The following CDH13 variants were observed in gnomAD, a reference collection of about 807,000 sequenced individuals.
CDH13 encodes cadherin 13.
Under a neutral mutation model 63.8 loss-of-function variants are expected in CDH13, and 24 were observed. That is an observed-to-expected ratio of 0.38 (90% CI 0.27 to 0.53). The LOEUF is 0.53. CDH13 is among the 20% of genes least tolerant of loss of function. The pLI, the probability that CDH13 is intolerant of heterozygous loss-of-function variation, is 0.85. For missense variants in CDH13, 1,049 were observed against 903.1 expected, an observed-to-expected ratio of 1.16 and a Z score of -2.07; for synonymous variants, 503 against 355.3, an observed-to-expected ratio of 1.42 and a Z score of -4.67.
At chr16:83,107,091 T>C (rs1401369321) in intron 3 of CDH13, among the ~76,000 whole-genome samples, 2 of 152,182 alleles carry the variant, frequency 1.3e-5, no homozygotes, top group Admixed American at 6.5e-5. Context: ...GGTAGGTGGA[T>C]TGAAGAGAGT....
At chr16:82,716,678 G>T (rs978267251) in intron 1 of CDH13, among the ~76,000 whole-genome samples, 1 of 150,310 alleles carries the variant, frequency 6.7e-6, no homozygotes, top group African/African-American at 2.5e-5. Flanking sequence ...ATTAAGGGGG[G>T]TGACTAGTTG....
intron 7 of CDH13, among the ~76,000 whole-genome samples, chr16:83,556,764 T>A (rs1389128664): frequency 6.6e-6 from 1 of 152,198 alleles, no homozygotes; most frequent in Non-Finnish European, 1.5e-5. Flanking sequence ...GAGGTAATCT[T>A]TTCATGGGGC....
intron 9 of CDH13, 139 bp downstream of exon 9, chr16:83,671,111 G>C: frequency 1.4e-6 from 1 of 738,062 alleles, no homozygotes; most frequent in South Asian, 2.3e-5. Context: ...CAAAGGAAAA[G>C]GCTCATGGCT....
At chr16:82,896,123 G>C (rs11150518) in intron 2 of CDH13, among the ~76,000 whole-genome samples, 1 of 151,942 alleles carries the variant, frequency 6.6e-6, no homozygotes, top group Non-Finnish European at 1.5e-5. Context: ...TCATTCATTC[G>C]TATCTTACCT....
intron 3 of CDH13, among the ~76,000 whole-genome samples, chr16:83,101,540 C>A (rs902360054): frequency 6.6e-6 from 1 of 151,828 alleles, no homozygotes; most frequent in African/African-American, 2.4e-5. Flanking sequence ...TGCCTCTAAG[C>A]CCAGCACTTT....
intron 4 of CDH13, among the ~76,000 whole-genome samples, chr16:83,133,654 A>T (rs1419657756): frequency 2.0e-5 from 3 of 152,070 alleles, no homozygotes; most frequent in African/African-American, 4.8e-5. Context: ...ATGCACCACC[A>T]TGCCTGGCCA....
chr16:82,710,954 T>TAA (rs1012722974), intron 1 of CDH13, among the ~76,000 whole-genome samples: 1 of 144,270 alleles, frequency 6.9e-6, no homozygotes, highest in East Asian at 2.0e-4. Flanking sequence ...ACCCCAACAT[T>TAA]AAAAAAAAAA....
At chr16:83,149,508 A>G (rs2036885592) in intron 4 of CDH13, among the ~76,000 whole-genome samples, 1 of 152,230 alleles carries the variant, frequency 6.6e-6, no homozygotes. Context: ...CAATTCCACA[A>G]GTAATTCATG....
chr16:83,156,491 G>A (rs1469386387), intron 4 of CDH13, among the ~76,000 whole-genome samples: 1 of 152,176 alleles, frequency 6.6e-6, no homozygotes, highest in African/African-American at 2.4e-5. Context: ...TCCTTTAGGG[G>A]AGTGATTGCC....
intron 4 of CDH13, among the ~76,000 whole-genome samples, chr16:83,136,649 C>T (rs973147193): frequency 2.0e-5 from 3 of 152,114 alleles, no homozygotes; most frequent in Non-Finnish European, 4.4e-5. Flanking sequence ...CCTTCTCTGC[C>T]GGACAGCTTC....
At chr16:83,592,751 C>T (rs1161418411) in intron 7 of CDH13, among the ~76,000 whole-genome samples, 4 of 152,136 alleles carry the variant, frequency 2.6e-5, no homozygotes, top group African/African-American at 9.7e-5. Flanking sequence ...TCCTTGCCCA[C>T]CAGCCCCCAG....
chr16:82,967,430 G>T (rs151288145), intron 2 of CDH13, among the ~76,000 whole-genome samples: 1 of 152,112 alleles, frequency 6.6e-6, no homozygotes, highest in Non-Finnish European at 1.5e-5. Flanking sequence ...TACCTGGTTC[G>T]TATTTGCGCC....
intron 6 of CDH13, among the ~76,000 whole-genome samples, chr16:83,482,216 T>A (rs565444030): frequency 2.1e-4 from 32 of 152,314 alleles, no homozygotes; most frequent in Admixed American, 2.1e-3. Flanking sequence ...AAGAAGCCAA[T>A]TCAACCCAAA....
At chr16:83,117,985 C>G (rs1190512693) in intron 3 of CDH13, among the ~76,000 whole-genome samples, 1 of 152,198 alleles carries the variant, frequency 6.6e-6, no homozygotes, top group African/African-American at 2.4e-5. Context: ...CTGCATGAAA[C>G]CGGAGATCTT....
chr16:82,634,407 G>A (rs533467479), intron 1 of CDH13, among the ~76,000 whole-genome samples: 17 of 152,316 alleles, frequency 1.1e-4, no homozygotes, highest in Admixed American at 7.2e-4. Flanking sequence ...TAGGGCCTGC[G>A]GAAAGTTGCT....
At chr16:82,759,007 C>T (rs964181309) in intron 1 of CDH13, among the ~76,000 whole-genome samples, 1 of 152,176 alleles carries the variant, frequency 6.6e-6, no homozygotes, top group African/African-American at 2.4e-5. Flanking sequence ...CAGCCACTAT[C>T]CTTCTTCACT....
intron 6 of CDH13, among the ~76,000 whole-genome samples, chr16:83,379,344 A>C (rs2091514879): frequency 6.6e-6 from 1 of 152,188 alleles, no homozygotes. Context: ...GGTGTCTTCC[A>C]TGGCCTATGG....
At chr16:82,811,656 A>G (rs989483729) in intron 1 of CDH13, among the ~76,000 whole-genome samples, 1 of 152,212 alleles carries the variant, frequency 6.6e-6, no homozygotes, top group Non-Finnish European at 1.5e-5. Context: ...ATAGAGACCA[A>G]CTAGAAGGTG....
At chr16:83,049,998 C>G (rs775131702) in intron 3 of CDH13, among the ~76,000 whole-genome samples, 13 of 152,126 alleles carry the variant, frequency 8.5e-5, no homozygotes, top group Non-Finnish European at 1.6e-4. Flanking sequence ...AATAATGCTA[C>G]AAAAACGTTG....
Sources: gnomAD v4.1 joint callset for allele counts (sites outside exome capture counted in the v4.1 genomes callset) on GRCh38, gnomAD v4.1.1 for gene constraint, MANE v1.5 for transcripts, NCBI Gene and HGNC (gene_info 2026-07-23, HGNC 2026-07-21) for gene names.